Variants in IGSF11 observed in about 807,000 individuals in gnomAD.
IGSF11 encodes immunoglobulin superfamily member 11, also known as CXADR like 1.
IGSF11 carries 22 observed loss-of-function variants against 41.0 expected under a neutral mutation model. The ratio of observed to expected loss-of-function variants is 0.54; its 90% CI spans 0.38 to 0.77. IGSF11 has a LOEUF of 0.77. Ranked by LOEUF, IGSF11 falls within the 30% of genes least tolerant of loss-of-function variation. The pLI is 0.00. For synonymous variants in IGSF11, 219 were observed against 201.3 expected (o/e 1.09, Z -0.74); for missense variants, 444 against 530.8 (o/e 0.84, Z 1.61).
At chr3:118,972,977 C>G (rs1190179958) in intron 1 of IGSF11, among the ~76,000 whole-genome samples, 1 of 152,138 alleles carries the variant, frequency 6.6e-6, no homozygotes, top group Non-Finnish European at 1.5e-5. Flanking sequence ...ACATCAAAAC[C>G]CTGCTCTACG....
At chr3:118,903,600 C>A (rs967976095) in intron 6 of IGSF11, among the ~76,000 whole-genome samples, 1 of 152,158 alleles carries the variant, frequency 6.6e-6, no homozygotes, top group Admixed American at 6.5e-5. Context: ...CTGGGGTAGA[C>A]TCTATCCCTG....
At chr3:118,985,816 G>C (rs1282987170) in intron 1 of IGSF11, among the ~76,000 whole-genome samples, 1 of 152,078 alleles carries the variant, frequency 6.6e-6, no homozygotes, top group Non-Finnish European at 1.5e-5. Flanking sequence ...CCAGCTTCTT[G>C]ATATGTCTAT....
intron 1 of IGSF11, among the ~76,000 whole-genome samples, chr3:119,061,109 A>C (rs146681588): frequency 6.6e-6 from 1 of 152,214 alleles, no homozygotes; most frequent in African/African-American, 2.4e-5. Flanking sequence ...TTTTAATTCA[A>C]ATAAATTGGT....
At chr3:118,923,325 G>A (rs192530677) in intron 4 of IGSF11, among the ~76,000 whole-genome samples, 63 of 152,250 alleles carry the variant, frequency 4.1e-4, no homozygotes, top group African/African-American at 1.1e-3. Context: ...TAGTTAGTGC[G>A]CTCAGTCTCT....
intron 1 of IGSF11, among the ~76,000 whole-genome samples, chr3:119,033,957 T>C (rs956943799): frequency 2.2e-4 from 34 of 152,256 alleles, no homozygotes; most frequent in Admixed American, 6.5e-5. Flanking sequence ...CTATGTATTG[T>C]TGAGAGCCAA....
At chr3:119,098,203 C>T (rs1339323346) in intron 1 of IGSF11, among the ~76,000 whole-genome samples, 2 of 151,896 alleles carry the variant, frequency 1.3e-5, no homozygotes, top group African/African-American at 4.8e-5. Flanking sequence ...ATGCTGACTC[C>T]ATCATTTATA....
At chr3:119,015,508 A>T (rs1465405723) in intron 1 of IGSF11, among the ~76,000 whole-genome samples, 3 of 152,288 alleles carry the variant, frequency 2.0e-5, no homozygotes, top group Non-Finnish European at 4.4e-5. Context: ...TAAGTACCTA[A>T]CATAATATTT....
chr3:118,904,727 C>T lies in IGSF11; in HGVS notation c.775G>A (p.Ala259Thr). 1 of 1,612,976 alleles carries T rather than the reference C, an allele frequency of 6.2e-7. No homozygotes were observed. Among genetic ancestry groups the T allele is most frequent in the Non-Finnish European group, 8.5e-7 (1 of 1,179,308 alleles). ...TGAVIIIFCI[A>T]LILGAFFYWR... ...TAAAAGAATGCCCCTAAAATTAGTG[C>T]AATGCAAAAAATGATAATAACTGCA... The change falls in exon 6 of 7, where the codon GCA becomes ACA. Residue 259 changes from alanine to threonine, a missense_variant. Ala to Thr is a moderately conservative substitution (Grantham distance 58). Around this residue, in one of 3 missense-constraint regions of IGSF11, gnomAD observed 223 missense variants for 226.2 expected, o/e 0.99. Transcript: ENST00000393775.
intron 1 of IGSF11, among the ~76,000 whole-genome samples, chr3:119,010,889 A>G (rs1009616409): frequency 2.0e-5 from 3 of 152,212 alleles, no homozygotes; most frequent in Non-Finnish European, 4.4e-5. Context: ...AAAACAGGAC[A>G]TCTGGCTCTC....
chr3:118,996,377 T>A (rs776659035), intron 1 of IGSF11, among the ~76,000 whole-genome samples: 5 of 152,122 alleles, frequency 3.3e-5, no homozygotes, highest in Non-Finnish European at 7.3e-5. Flanking sequence ...TCAAAATTTG[T>A]TTCATTTATC....
At chr3:118,932,013 G>A (rs1038912488) in intron 1 of IGSF11, among the ~76,000 whole-genome samples, 15 of 152,132 alleles carry the variant, frequency 9.9e-5, no homozygotes, top group African/African-American at 3.1e-4. Context: ...GATTACAGGC[G>A]TGAGCCACCG....
At chr3:118,936,344 C>T (rs543716886) in intron 1 of IGSF11, among the ~76,000 whole-genome samples, 1 of 151,358 alleles carries the variant, frequency 6.6e-6, no homozygotes, top group African/African-American at 2.4e-5. Flanking sequence ...CCATCTCTAC[C>T]AAAAATACAA....
At chr3:119,130,247 G>T (rs574340412) in intron 1 of IGSF11, among the ~76,000 whole-genome samples, 13 of 152,332 alleles carry the variant, frequency 8.5e-5, no homozygotes, top group African/African-American at 2.9e-4. Context: ...CCAAAGCAGG[G>T]CAGGGCATTG....
chr3:118,920,242 C>T (rs968579281), intron 4 of IGSF11, among the ~76,000 whole-genome samples: 18 of 141,350 alleles, frequency 1.3e-4, no homozygotes, highest in African/African-American at 4.3e-4. Flanking sequence ...CACATGTACC[C>T]TAAAACTTAA....
intron 1 of IGSF11, among the ~76,000 whole-genome samples, chr3:119,000,096 T>A (rs972547305): frequency 1.1e-4 from 15 of 141,914 alleles, no homozygotes; most frequent in African/African-American, 4.1e-4. Flanking sequence ...GGTGGTGTAG[T>A]GCAACCCATT....
intron 1 of IGSF11, among the ~76,000 whole-genome samples, chr3:119,141,984 A>G (rs894800542): frequency 5.9e-5 from 9 of 152,108 alleles, no homozygotes; most frequent in African/African-American, 2.2e-4. Flanking sequence ...TAGTGTATCA[A>G]AAAGTTTCTG....
At chr3:119,108,474 T>G (rs1333455107), upstream of IGSF11, among the ~76,000 whole-genome samples, 4 of 151,070 alleles carry the variant, frequency 2.6e-5, no homozygotes, top group African/African-American at 9.8e-5. Flanking sequence ...CTTATCAGCT[T>G]GAGGAGATTT....
chr3:119,043,819 G>A (rs1350625397), intron 1 of IGSF11, among the ~76,000 whole-genome samples: 1 of 152,120 alleles, frequency 6.6e-6, no homozygotes, highest in Non-Finnish European at 1.5e-5. Flanking sequence ...AACAATCACT[G>A]CAGTCCAGCT....
chr3:119,088,238 G>GA (rs34566760), intron 1 of IGSF11, among the ~76,000 whole-genome samples: 2,552 of 146,852 alleles, frequency 0.017, 74 homozygotes, highest in African/African-American at 0.06. Flanking sequence ...GGACCACGGT[G>GA]AAAAAAAAAA....
Sources: gnomAD v4.1 joint callset for allele counts (sites outside exome capture counted in the v4.1 genomes callset) on GRCh38, gnomAD v4.1.1 for gene constraint, gnomAD v4.1.1 regional missense constraint, MANE v1.5 for transcripts, NCBI Gene and HGNC (gene_info 2026-07-23, HGNC 2026-07-21) for gene names.